The following PCDHA2 variants were observed in gnomAD, a reference collection of about 807,000 sequenced individuals.
The protein encoded by PCDHA2 is protocadherin alpha-2.
Under a neutral mutation model 66.0 loss-of-function variants are expected in PCDHA2, and 58 were observed. The observed-to-expected ratio is 0.88, with a 90% CI of 0.71 to 1.09. PCDHA2 has a LOEUF of 1.09. Among genes scored for constraint, PCDHA2 ranks in the 50% least tolerant of loss-of-function variants. The pLI, the probability that PCDHA2 is intolerant of heterozygous loss-of-function variation, is 0.00. For synonymous variants in PCDHA2, 634 were observed against 554.0 expected, an observed-to-expected ratio of 1.14 and a Z score of -2.03; for missense variants, 1,267 against 1,242.3, an observed-to-expected ratio of 1.02 and a Z score of -0.30.
chr5:140,800,222 A>G (rs1762526955), intron 1 of PCDHA2, among the ~76,000 whole-genome samples: 1 of 152,160 alleles, frequency 6.6e-6, no homozygotes, highest in African/African-American at 2.4e-5. Context: ...ATGTGAGTGT[A>G]ACAAATATAC....
rs971447494 is a variant in PCDHA2, at chr5:140,855,570, A to G, written c.2388+58218A>G. 1.4e-4 allele frequency among the ~76,000 whole-genome samples: 21 copies of G among 149,936 alleles called. 2 individuals carry two copies. Among genetic ancestry groups the G allele is most frequent in the African/African-American group, 5.1e-4 (21 of 40,914 alleles). ...GAACTTAAATGGAACTAAAGTTGTCATTTAATAAAATATTAGTATACTCAG... is the reference window on the plus strand; with the variant it reads ...GAACTTAAATGGAACTAAAGTTGTCGTTTAATAAAATATTAGTATACTCAG... On this transcript the variant is annotated intron_variant, in intron 1 of 3. Transcript: ENST00000526136.
intron 1 of PCDHA2, chr5:140,841,763 C>G: frequency 6.2e-7 from 1 of 1,613,884 alleles, no homozygotes; most frequent in South Asian, 1.1e-5. Context: ...ATCCAGAATG[C>G]CAGACTCTCG....
chr5:140,976,190 C>T (rs1402016343), intron 1 of PCDHA2, among the ~76,000 whole-genome samples: 17 of 152,040 alleles, frequency 1.1e-4, no homozygotes, highest in African/African-American at 4.1e-4. Context: ...AATCAATATC[C>T]TGGAAACTCA....
At chr5:140,888,834 C>T (rs2061995964) in intron 1 of PCDHA2, among the ~76,000 whole-genome samples, 1 of 152,080 alleles carries the variant, frequency 6.6e-6, no homozygotes, top group Non-Finnish European at 1.5e-5. Context: ...CATCACTCCA[C>T]TGCAGCCTGG....
At chr5:140,823,477 C>T (rs2150126196) in intron 1 of PCDHA2, 1 of 1,613,436 alleles carries the variant, frequency 6.2e-7, no homozygotes, top group South Asian at 1.1e-5. Context: ...GCTGGTGCCT[C>T]GAGTGGGTGG....
In PCDHA2 at chr5:140,829,580, C is replaced by T. The variant is rs1481552888; in HGVS notation, c.2388+32228C>T. ...GCTGGTGTCCTACTCGCTGGTGGAG[C>T]GGCGGGTGGGCGAGCGCGCGTTGTC... On this transcript the variant is annotated intron_variant, in intron 1 of 3. Coordinates refer to ENST00000526136, the MANE Select transcript of PCDHA2 (RefSeq NM_018905.3). 4 of 1,612,184 alleles carry T rather than the reference C, an allele frequency of 2.5e-6. No homozygotes were observed. In the African/African-American group the frequency reaches 4.0e-5, roughly 16 times the overall value.
chr5:140,911,343 C>G (rs1223805451), intron 1 of PCDHA2, among the ~76,000 whole-genome samples: 1 of 152,136 alleles, frequency 6.6e-6, no homozygotes, highest in African/African-American at 2.4e-5. Flanking sequence ...CAATCAATGC[C>G]CTCATTTCAA....
At chr5:140,801,310 A>C (rs781891946) in intron 1 of PCDHA2, 1 of 1,613,378 alleles carries the variant, frequency 6.2e-7, no homozygotes. Context: ...GTCTCTGAGG[A>C]GGCCAAGCAT....
At chr5:140,821,571 A>C in intron 1 of PCDHA2, 1 of 549,120 alleles carries the variant, frequency 1.8e-6, no homozygotes, top group Non-Finnish European at 3.1e-6. Flanking sequence ...TGGACACCGG[A>C]AGGTTTTTCT....
intron 1 of PCDHA2, among the ~76,000 whole-genome samples, chr5:140,917,333 G>GC (rs1401985588): frequency 2.7e-5 from 4 of 148,632 alleles, no homozygotes; most frequent in African/African-American, 7.4e-5. Flanking sequence ...GCGGGGGAGG[G>GC]GGGGGATGGT....
rs1554120378 is a variant in PCDHA2, at chr5:140,797,259, C to G, written c.2295C>G (p.Pro765=). The G allele has an allele frequency of 6.2e-7, 1 of 1,614,202 alleles. No homozygotes were observed. The highest frequency in any genetic ancestry group is 1.7e-5 in the Admixed American group (1 of 60,026). The change falls in exon 1 of 4, where the codon CCC becomes CCG. Residue 765 remains proline (P), a synonymous_variant. Transcript: ENST00000526136. ...RQRVCSGEDP[P]KTDLMAFSPS... Reference sequence around the variant, plus strand: ...GGGTGTGCTCTGGGGAGGACCCCCCCAAGACGGACCTCATGGCCTTCAGCC... The same window carrying G: ...GGGTGTGCTCTGGGGAGGACCCCCCGAAGACGGACCTCATGGCCTTCAGCC...
At chr5:140,956,314 G>C (rs1262942129) in intron 1 of PCDHA2, among the ~76,000 whole-genome samples, 2 of 152,036 alleles carry the variant, frequency 1.3e-5, no homozygotes, top group Admixed American at 6.6e-5. Context: ...ATTATTTTGA[G>C]ATATGTTCCT....
chr5:140,816,954 C>T (rs1766032613), intron 1 of PCDHA2: 1 of 152,160 alleles, frequency 6.6e-6, no homozygotes, highest in African/African-American at 2.4e-5. Context: ...TCAAGTGAGA[C>T]AGAAACTTGG....
chr5:140,865,517 T>C (rs1562593227), intron 1 of PCDHA2: 1 of 152,232 alleles, frequency 6.6e-6, no homozygotes, highest in African/African-American at 2.4e-5. Context: ...TTTATGGTGC[T>C]GGAATTCTCT....
intron 1 of PCDHA2, among the ~76,000 whole-genome samples, chr5:140,973,344 A>G (rs1389229715): frequency 1.3e-5 from 2 of 152,258 alleles, no homozygotes; most frequent in African/African-American, 2.4e-5. Flanking sequence ...AAAGTGACAT[A>G]GTAGTGAATT....
At position 140,992,285 on chromosome 5, in the gene PCDHA2, A is replaced by G. The variant is rs114469876; in HGVS notation, c.2536+9722A>G. On this transcript the variant is annotated intron_variant, in intron 3 of 3. Transcript: ENST00000526136. ...AGTTCTTTTCGTAGCACATCCCTGCAAAGGATGGGAGTATTGTTTTGGTGG... is the reference window on the plus strand; with the variant it reads ...AGTTCTTTTCGTAGCACATCCCTGCGAAGGATGGGAGTATTGTTTTGGTGG... 2.6e-3 allele frequency among the ~76,000 whole-genome samples: 395 copies of G among 152,336 alleles called. 1 individual carries two copies. The highest frequency in any genetic ancestry group is 8.7e-3 in the African/African-American group (360 of 41,578).
intron 1 of PCDHA2, chr5:140,822,863 C>G: frequency 6.2e-7 from 1 of 1,614,234 alleles, no homozygotes; most frequent in Non-Finnish European, 8.5e-7. Context: ...GAGGACGCTC[C>G]ACTCAGCACG....
At chr5:140,856,349 T>C in intron 1 of PCDHA2, 1 of 1,598,368 alleles carries the variant, frequency 6.3e-7, no homozygotes, top group Non-Finnish European at 8.6e-7. Flanking sequence ...GAGCGTGGAG[T>C]GCAGCATCCA....
chr5:140,839,494 A>T (rs1776252585), intron 1 of PCDHA2, among the ~76,000 whole-genome samples: 1 of 151,886 alleles, frequency 6.6e-6, no homozygotes, highest in Non-Finnish European at 1.5e-5. Flanking sequence ...GGCTCAAGTG[A>T]TCTTCCTACC....
Sources: allele counts gnomAD v4.1 joint callset (sites outside exome capture counted in the v4.1 genomes callset), GRCh38; gene constraint gnomAD v4.1.1; transcripts MANE v1.5; gene names NCBI Gene and HGNC (gene_info 2026-07-23, HGNC 2026-07-21).